CTNNA3: variants seen among roughly 807,000 people sequenced by gnomAD.
CTNNA3 encodes catenin alpha 3, also known as catenin alpha-3.
Under a neutral mutation model 95.7 loss-of-function variants are expected in CTNNA3, and 76 were observed. The observed-to-expected ratio is 0.79, with a 90% CI of 0.66 to 0.96. The LOEUF (loss-of-function observed/expected upper bound fraction) is 0.96. CTNNA3 is among the 40% of genes least tolerant of loss of function. The pLI is 0.00. For missense variants in CTNNA3, 1,191 were observed against 1,089.8 expected (o/e 1.09, Z -1.31); for synonymous variants, 431 against 374.4 (o/e 1.15, Z -1.74).
intron 15 of CTNNA3, among the ~76,000 whole-genome samples, chr10:66,027,776 C>T (rs34539937): frequency 0.11 from 16,398 of 152,134 alleles, 1,047 homozygotes; most frequent in Non-Finnish European, 0.15. Context: ...AAATAGTCAA[C>T]GCCACCCCAC....
At chr10:66,184,982 A>G (rs760916280) in intron 13 of CTNNA3, among the ~76,000 whole-genome samples, 1 of 152,218 alleles carries the variant, frequency 6.6e-6, no homozygotes, top group Non-Finnish European at 1.5e-5. Context: ...TCACTGGAAG[A>G]GTATTTTTGT....
intron 6 of CTNNA3, among the ~76,000 whole-genome samples, chr10:67,207,989 A>T (rs1863976078): frequency 6.6e-6 from 1 of 152,200 alleles, no homozygotes. Context: ...ACAGAATTAG[A>T]GTCCCCAAAC....
intron 7 of CTNNA3, among the ~76,000 whole-genome samples, chr10:66,998,901 C>T (rs963351393): frequency 9.2e-5 from 14 of 152,180 alleles, no homozygotes; most frequent in African/African-American, 3.1e-4. Context: ...TTAGAGAACA[C>T]ACATTCACTT....
intron 5 of CTNNA3, among the ~76,000 whole-genome samples, chr10:67,313,606 G>A (rs888861822): frequency 2.0e-5 from 3 of 152,136 alleles, no homozygotes; most frequent in Admixed American, 2.0e-4. Context: ...ATTTGTGCTA[G>A]AGAAAAATCA....
At chr10:66,013,733 C>T (rs530047388) in intron 15 of CTNNA3, among the ~76,000 whole-genome samples, 67 of 152,164 alleles carry the variant, frequency 4.4e-4, no homozygotes, top group African/African-American at 1.3e-3. Context: ...TCAAAAAATA[C>T]GACCAAGTTT....
intron 7 of CTNNA3, among the ~76,000 whole-genome samples, chr10:67,171,373 G>C (rs776875509): frequency 2.0e-5 from 3 of 152,066 alleles, no homozygotes; most frequent in African/African-American, 7.2e-5. Flanking sequence ...TTGGGAGTTC[G>C]AGACCAGCCT....
At chr10:67,430,322 C>T (rs1280578748) in intron 5 of CTNNA3, among the ~76,000 whole-genome samples, 1 of 151,758 alleles carries the variant, frequency 6.6e-6, no homozygotes, top group Non-Finnish European at 1.5e-5. Flanking sequence ...ATAAATTTAC[C>T]AGCTGTGTAA....
intron 7 of CTNNA3, among the ~76,000 whole-genome samples, chr10:67,104,295 A>G (rs1249078252): frequency 6.6e-6 from 1 of 151,858 alleles, no homozygotes; most frequent in Admixed American, 6.6e-5. Flanking sequence ...AGTGATTTTA[A>G]ATGGCAATAT....
At chr10:67,088,226 AC>A (rs1241416881) in intron 7 of CTNNA3, among the ~76,000 whole-genome samples, 2 of 151,276 alleles carry the variant, frequency 1.3e-5, no homozygotes, top group African/African-American at 4.8e-5. Context: ...TCCATCCAGA[AC>A]CCTTCAGGAC....
chr10:66,216,668 G>C (rs985901754), intron 13 of CTNNA3, among the ~76,000 whole-genome samples: 2 of 150,856 alleles, frequency 1.3e-5, no homozygotes, highest in Non-Finnish European at 3.0e-5. Flanking sequence ...AACACAGTCT[G>C]TCTGACTTGA....
intron 13 of CTNNA3, among the ~76,000 whole-genome samples, chr10:66,198,459 A>G (rs2131904712): frequency 6.6e-6 from 1 of 152,308 alleles, no homozygotes; most frequent in South Asian, 2.1e-4. Flanking sequence ...GAAGAAAACA[A>G]GAAAATAAAA....
At chr10:66,276,508 G>A (rs1471814003) in intron 13 of CTNNA3, among the ~76,000 whole-genome samples, 1 of 151,924 alleles carries the variant, frequency 6.6e-6, no homozygotes, top group East Asian at 1.9e-4. Flanking sequence ...GTTTTAAGGG[G>A]TCTATAAAAA....
chr10:66,605,694 T>C (rs1844095871), intron 10 of CTNNA3, among the ~76,000 whole-genome samples: 1 of 152,264 alleles, frequency 6.6e-6, no homozygotes, highest in Non-Finnish European at 1.5e-5. Context: ...CAGAGTTTCA[T>C]ATCCAGCCAA....
chr10:67,139,237 C>A (rs1180231059), intron 7 of CTNNA3, among the ~76,000 whole-genome samples: 1 of 151,674 alleles, frequency 6.6e-6, no homozygotes, highest in Admixed American at 6.6e-5. Context: ...GGTTCAAGTG[C>A]TTCTCCTGCT....
At chr10:67,691,012 C>T (rs1840837378) in intron 1 of CTNNA3, among the ~76,000 whole-genome samples, 1 of 152,238 alleles carries the variant, frequency 6.6e-6, no homozygotes. Context: ...CTGCCTCAGC[C>T]TGCCGAGTGC....
Position 66,927,307 on chromosome 10 carries a change from C to T in CTNNA3, c.1048-151783G>A, listed in dbSNP as rs931079500. The T allele has an allele frequency of 1.2e-6, 2 of 1,614,014 alleles. No homozygotes were observed. The highest frequency in any genetic ancestry group is 1.3e-5 in the African/African-American group (1 of 74,914). ...CTATTTTCTTAACAATACCTTCAGACCTGTGACAAATTTACGGAACTTGGA... is the reference window on the plus strand; with the variant it reads ...CTATTTTCTTAACAATACCTTCAGATCTGTGACAAATTTACGGAACTTGGA... On this transcript the variant is annotated intron_variant, in intron 7 of 17. Transcript: ENST00000433211. This position sits in a 1 kb window ranked among gnomAD's most constrained non-coding sequence, Gnocchi z 4.7.
At chr10:67,098,100 T>C (rs1858126400) in intron 7 of CTNNA3, 3 of 343,796 alleles carry the variant, frequency 8.7e-6, no homozygotes, top group South Asian at 6.8e-5. Flanking sequence ...ACAAAGCTAA[T>C]GTATTTTTCA....
intron 7 of CTNNA3, among the ~76,000 whole-genome samples, chr10:67,124,767 T>C (rs1435236007): frequency 1.3e-5 from 2 of 152,242 alleles, no homozygotes; most frequent in East Asian, 1.9e-4. Flanking sequence ...AAACATTAAA[T>C]GCAAAATGTT....
At chr10:66,463,388 C>G (rs1284578389) in intron 11 of CTNNA3, among the ~76,000 whole-genome samples, 1 of 152,168 alleles carries the variant, frequency 6.6e-6, no homozygotes, top group East Asian at 1.9e-4. Flanking sequence ...CTGAGGCCCT[C>G]ACCAAATGCA....
Sources: gnomAD v4.1 joint callset for allele counts (sites outside exome capture counted in the v4.1 genomes callset) on GRCh38, gnomAD v4.1.1 for gene constraint, Gnocchi (gnomAD v3.1) non-coding constraint, MANE v1.5 for transcripts, NCBI Gene and HGNC (gene_info 2026-07-23, HGNC 2026-07-21) for gene names.